The following CDK6 variants were observed in gnomAD, a reference collection of about 807,000 sequenced individuals.
The protein encoded by CDK6 is cyclin-dependent kinase 6.
Under a neutral mutation model 37.1 loss-of-function variants are expected in CDK6, and 6 were observed. The observed-to-expected ratio is 0.16, with a 90% CI of 0.09 to 0.32. The LOEUF is 0.32. Among genes scored for constraint, CDK6 ranks in the 10% least tolerant of loss-of-function variants. The pLI, the probability that CDK6 is intolerant of heterozygous loss-of-function variation, is 1.00. For missense variants in CDK6, 224 were observed against 418.9 expected, an observed-to-expected ratio of 0.53 and a Z score of 4.06; for synonymous variants, 160 against 161.3, an observed-to-expected ratio of 0.99 and a Z score of 0.06.
At chr7:92,770,838 A>C (rs1021197656) in intron 3 of CDK6, among the ~76,000 whole-genome samples, 1 of 152,214 alleles carries the variant, frequency 6.6e-6, no homozygotes, top group Non-Finnish European at 1.5e-5. Context: ...AGTGCCACAG[A>C]AAACACAACA....
intron 4 of CDK6, among the ~76,000 whole-genome samples, chr7:92,687,461 T>A (rs1367965757): frequency 6.6e-6 from 1 of 152,204 alleles, no homozygotes; most frequent in African/African-American, 2.4e-5. Flanking sequence ...AAAAATGAAC[T>A]CTGTCCAAAG....
chr7:92,807,318 T>C (rs149351923), intron 2 of CDK6, among the ~76,000 whole-genome samples: 326 of 152,218 alleles, frequency 2.1e-3, no homozygotes, highest in African/African-American at 7.4e-3. Context: ...TCTAGAGATA[T>C]CTATATCTAG....
rs1705814996 is a variant in CDK6, at chr7:92,615,036, C to T, written c.*104G>A. ...GTCCAGAAGACAGCAGCTGGAAGGC[C>T]TCCAGATAGCAATCCTCCACAGCTC... is the stretch of plus-strand genomic sequence containing the variant. On this transcript the variant is annotated 3_prime_UTR_variant, in exon 8 of 8. Coordinates refer to ENST00000424848, the MANE Select transcript of CDK6 (RefSeq NM_001145306.2). The T allele has an allele frequency of 3.3e-6, 4 of 1,214,644 alleles. No homozygotes were observed. The highest frequency in any genetic ancestry group is 4.6e-6 in the Non-Finnish European group (4 of 867,032). 75.2% of individuals were successfully genotyped at this position (1,214,644 alleles called of 1,614,324 possible).
intron 2 of CDK6, among the ~76,000 whole-genome samples, chr7:92,817,244 T>G (rs1801052866): frequency 6.6e-6 from 1 of 151,940 alleles, no homozygotes; most frequent in African/African-American, 2.4e-5. Context: ...AAAAAAATTA[T>G]AGGCCAATAT....
intron 2 of CDK6, among the ~76,000 whole-genome samples, chr7:92,790,815 G>A (rs957513592): frequency 6.6e-6 from 1 of 152,134 alleles, no homozygotes; most frequent in African/African-American, 2.4e-5. Context: ...CAATTTAACT[G>A]TCAGAGTATC....
At chr7:92,804,166 G>C (rs1434558272) in intron 2 of CDK6, among the ~76,000 whole-genome samples, 1 of 152,168 alleles carries the variant, frequency 6.6e-6, no homozygotes, top group Non-Finnish European at 1.5e-5. Flanking sequence ...GCTCTGATTT[G>C]AGGTCTTGGT....
intron 2 of CDK6, among the ~76,000 whole-genome samples, chr7:92,824,401 C>T (rs1038515448): frequency 3.9e-5 from 6 of 152,088 alleles, no homozygotes; most frequent in Admixed American, 3.9e-4. Context: ...TCCAACTCCT[C>T]TTTGGGTTAA....
At chr7:92,620,462 T>G (rs976214257) in intron 6 of CDK6, among the ~76,000 whole-genome samples, 1 of 152,200 alleles carries the variant, frequency 6.6e-6, no homozygotes, top group Admixed American at 6.6e-5. Context: ...GTGAGTTCCG[T>G]TCTCTCTATT....
intron 5 of CDK6, among the ~76,000 whole-genome samples, chr7:92,632,291 T>G (rs1466542514): frequency 6.6e-6 from 1 of 152,198 alleles, no homozygotes; most frequent in Non-Finnish European, 1.5e-5. Flanking sequence ...TGGAAGTGTC[T>G]GTTGGCTGAA....
chr7:92,768,307 T>C (rs1799632927), intron 3 of CDK6, among the ~76,000 whole-genome samples: 1 of 152,146 alleles, frequency 6.6e-6, no homozygotes, highest in Non-Finnish European at 1.5e-5. Context: ...TACTATACTG[T>C]GAGGAGTGAA....
At chr7:92,790,930 A>G (rs898599604) in intron 2 of CDK6, among the ~76,000 whole-genome samples, 4 of 152,180 alleles carry the variant, frequency 2.6e-5, no homozygotes, top group Admixed American at 1.3e-4. Context: ...TGTATGCTAC[A>G]AAGAACTTTG....
chr7:92,605,776 C>T lies in CDK6; in HGVS notation c.*9364G>A, dbSNP rs539507323. The T allele has an allele frequency of 4.3e-6, 1 of 233,274 alleles. No homozygotes were observed. Among genetic ancestry groups the T allele is most frequent in the African/African-American group, 2.2e-5 (1 of 45,452 alleles). The allele number at this position is 233,274 out of a possible 1,614,324, so 14.5% of individuals were successfully genotyped here. On this transcript the variant is annotated 3_prime_UTR_variant, in exon 8 of 8. Coordinates refer to ENST00000424848, the MANE Select transcript of CDK6 (RefSeq NM_001145306.2). Reference sequence around the variant, plus strand: ...CTATACCATACCTGAGGCCATTTTTCTTAGAGGGCAAAAACGTTAGAATAG... The same window carrying T: ...CTATACCATACCTGAGGCCATTTTTTTTAGAGGGCAAAAACGTTAGAATAG...
At chr7:92,767,260 G>A (rs1221306321) in intron 3 of CDK6, among the ~76,000 whole-genome samples, 1 of 152,140 alleles carries the variant, frequency 6.6e-6, no homozygotes, top group Non-Finnish European at 1.5e-5. Flanking sequence ...TTTGCAAAAG[G>A]ATTTATTTCT....
chr7:92,704,456 T>C (rs1371856461), intron 4 of CDK6, among the ~76,000 whole-genome samples: 1 of 152,208 alleles, frequency 6.6e-6, no homozygotes, highest in Non-Finnish European at 1.5e-5. Flanking sequence ...GCTTCTTTAC[T>C]TCTCTTTACC....
chr7:92,780,529 G>C (rs1313711868), intron 2 of CDK6, among the ~76,000 whole-genome samples: 1 of 151,976 alleles, frequency 6.6e-6, no homozygotes, highest in African/African-American at 2.4e-5. Flanking sequence ...GGGAGCCCGA[G>C]GAGGGCGGCT....
intron 5 of CDK6, among the ~76,000 whole-genome samples, chr7:92,632,931 ATCT>A (rs1266907901): frequency 7.3e-6 from 1 of 137,064 alleles, no homozygotes; most frequent in African/African-American, 2.7e-5. Context: ...ATCTCTAAAG[ATCT>A]TTTTTTTTTT....
At chr7:92,684,910 C>A (rs559036534) in intron 4 of CDK6, among the ~76,000 whole-genome samples, 21 of 151,958 alleles carry the variant, frequency 1.4e-4, no homozygotes, top group South Asian at 1.3e-3. Flanking sequence ...GAACACAGTG[C>A]AATTGTATGG....
intron 4 of CDK6, among the ~76,000 whole-genome samples, chr7:92,713,728 T>C (rs1242089776): frequency 6.8e-6 from 1 of 148,066 alleles, no homozygotes; most frequent in East Asian, 2.0e-4. Flanking sequence ...CTTGACAATA[T>C]CCAACCAGCT....
chr7:92,754,711 CT>C (rs1799270168), intron 3 of CDK6, among the ~76,000 whole-genome samples: 2 of 152,158 alleles, frequency 1.3e-5, no homozygotes, highest in Non-Finnish European at 2.9e-5. Flanking sequence ...TTTAGAGTTT[CT>C]TTTCTCATCT....
Sources: gnomAD v4.1 joint callset for allele counts (sites outside exome capture counted in the v4.1 genomes callset) on GRCh38, gnomAD v4.1.1 for gene constraint, MANE v1.5 for transcripts, NCBI Gene and HGNC (gene_info 2026-07-23, HGNC 2026-07-21) for gene names.